SMC1B: variants seen among roughly 807,000 people sequenced by gnomAD.
SMC1B encodes structural maintenance of chromosomes 1B.
A neutral mutation model predicts 157.9 loss-of-function variants in SMC1B; 60 were observed. The ratio of observed to expected loss-of-function variants is 0.38; its 90% confidence interval spans 0.31 to 0.47. The LOEUF (loss-of-function observed/expected upper bound fraction) is 0.47. Ranked by LOEUF, SMC1B falls within the 20% of genes least tolerant of loss-of-function variation. SMC1B has a pLI of 0.99. For synonymous variants in SMC1B, 445 were observed against 483.0 expected, an observed-to-expected ratio of 0.92 and a Z score of 1.03; for missense variants, 1,165 against 1,426.2, an observed-to-expected ratio of 0.82 and a Z score of 2.95.
intron 15 of SMC1B, among the ~76,000 whole-genome samples, chr22:45,369,427 G>A (rs530129450): frequency 5.9e-5 from 9 of 151,566 alleles, no homozygotes; most frequent in Admixed American, 1.3e-4. Context: ...ACCAGTATAC[G>A]TGTAATTATG....
Position 45,371,595 on chromosome 22 carries a change from CAA to C in SMC1B, c.2197-10_2197-9del. 4 of 1,568,590 alleles carry C rather than the reference CAA, an allele frequency of 2.6e-6. No homozygotes were observed. The highest frequency in any genetic ancestry group is 2.4e-5 in the East Asian group (1 of 42,432). On this transcript the variant is annotated splice_polypyrimidine_tract_variant and intron_variant, in intron 13 of 24. Coordinates refer to ENST00000357450, the MANE Select transcript of SMC1B (RefSeq NM_148674.5). ...TTGTAACTGAGATTGTTCCTAATAA[CAA>C]AAGAGAAAAATTTTTTTAACATGGC...
In SMC1B at chr22:45,412,743, A is replaced by G. The variant is rs551532781; in HGVS notation, c.109+716T>C. Among the ~76,000 whole-genome samples, 13 of 152,212 alleles carry G rather than the reference A, an allele frequency of 8.5e-5. No individual in the cohort carries two copies. In the East Asian group the frequency reaches 2.3e-3, roughly 27 times the overall value. ...CCAGACCTCAGTTTCCCCAACTATA[A>G]AATGGGGAGAGCAGCCATGCGCCAT... On this transcript the variant is annotated intron_variant, in intron 1 of 24. Transcript: ENST00000357450.
intron 2 of SMC1B, 41 bp from the exon 3 acceptor site, chr22:45,406,906 A>G: frequency 1.5e-6 from 2 of 1,351,368 alleles, no homozygotes; most frequent in Non-Finnish European, 1.0e-6. Flanking sequence ...ATATATAAAT[A>G]CCAGATATAC....
At chr22:45,401,646 T>C (rs552699747) in intron 5 of SMC1B, among the ~76,000 whole-genome samples, 1 of 152,254 alleles carries the variant, frequency 6.6e-6, no homozygotes, top group Admixed American at 6.5e-5. Context: ...CAACCCTTCA[T>C]GCCCTAAATC....
intron 1 of SMC1B, among the ~76,000 whole-genome samples, chr22:45,412,412 G>C (rs1200092766): frequency 1.4e-5 from 2 of 146,752 alleles, no homozygotes; most frequent in African/African-American, 5.1e-5. Flanking sequence ...TGTTGGTCAG[G>C]CTGGTCTCGA....
intron 12 of SMC1B, among the ~76,000 whole-genome samples, chr22:45,375,731 CATT>C (rs1175665304): frequency 2.6e-5 from 4 of 152,194 alleles, no homozygotes; most frequent in African/African-American, 9.6e-5. Flanking sequence ...GCCTTTAATT[CATT>C]AATAGATTAT....
chr22:45,374,210 G>C (rs575961763), intron 12 of SMC1B, among the ~76,000 whole-genome samples: 2 of 149,810 alleles, frequency 1.3e-5, no homozygotes, highest in East Asian at 2.0e-4. Flanking sequence ...TAAGAAAAAG[G>C]GATGTTCAGG....
At chr22:45,401,693 T>C (rs2087196046) in intron 5 of SMC1B, among the ~76,000 whole-genome samples, 1 of 152,226 alleles carries the variant, frequency 6.6e-6, no homozygotes. Flanking sequence ...TAAAACCGCC[T>C]GTACTTCACT....
In SMC1B at chr22:45,344,391, A is replaced by G. The variant is rs1014882440; in HGVS notation, c.*165T>C. ...TTCCCTACTAGAATGAGGTCTGAACACTCAACTAAAGTGAGCCACAGCCTC... is the reference window on the plus strand; with the variant it reads ...TTCCCTACTAGAATGAGGTCTGAACGCTCAACTAAAGTGAGCCACAGCCTC... On this transcript the variant is annotated 3_prime_UTR_variant, in exon 25 of 25. Transcript: ENST00000357450. 11 of 496,750 alleles carry G rather than the reference A, an allele frequency of 2.2e-5. No homozygotes were observed. Among genetic ancestry groups the G allele is most frequent in the Non-Finnish European group, 3.6e-5 (10 of 275,818 alleles). 30.8% of individuals were successfully genotyped at this position (496,750 alleles called of 1,614,324 possible). A position where few individuals can be genotyped will look rare whatever the true frequency, so the allele number is the denominator to read the frequency against.
intron 5 of SMC1B, among the ~76,000 whole-genome samples, chr22:45,401,241 T>C (rs975230061): frequency 1.3e-5 from 2 of 152,232 alleles, no homozygotes; most frequent in East Asian, 1.9e-4. Flanking sequence ...TTTAGGCAGA[T>C]AGTGAAGGTT....
rs1569198334 is a variant in SMC1B, at chr22:45,402,377, A to G, written c.810T>C (p.His270=). 3 of 1,613,602 alleles carry G rather than the reference A, an allele frequency of 1.9e-6. No homozygotes were observed. Among genetic ancestry groups the G allele is most frequent in the Non-Finnish European group, 2.5e-6 (3 of 1,179,902 alleles). Residue 270 remains histidine, a synonymous_variant, in exon 5 of 25, where the codon CAT becomes CAC. Coordinates refer to ENST00000357450, the MANE Select transcript of SMC1B (RefSeq NM_148674.5). ...ENIVKARKKE[H]GMLTRQLQQT... is the part of the protein sequence containing the mutation. ...GTTGTAGTTGTCTAGTTAGCATTCC[A>G]TGTTCCTTTTTCCTGGCTTTAACTA...
intron 24 of SMC1B, among the ~76,000 whole-genome samples, 166 bp from the exon 25 acceptor site, chr22:45,344,823 T>C (rs1006221543): frequency 8.5e-5 from 13 of 152,352 alleles, no homozygotes; most frequent in African/African-American, 2.6e-4. Context: ...TTATCTGGTA[T>C]GAGAATTTCC....
chr22:45,351,406 T>C (rs1301828865), intron 22 of SMC1B, among the ~76,000 whole-genome samples: 1 of 152,246 alleles, frequency 6.6e-6, no homozygotes, highest in South Asian at 2.1e-4. Flanking sequence ...GGCCTCCAGC[T>C]TTTATGGTTT....
intron 12 of SMC1B, among the ~76,000 whole-genome samples, chr22:45,383,162 A>T (rs569880357): frequency 2.0e-5 from 3 of 152,016 alleles, no homozygotes; most frequent in Admixed American, 6.6e-5. Context: ...CAAACAAAAA[A>T]CTTGCTGCAA....
At chr22:45,389,403 TTGCTA>T (rs1414852204) in intron 10 of SMC1B, among the ~76,000 whole-genome samples, 3 of 152,218 alleles carry the variant, frequency 2.0e-5, no homozygotes, top group Non-Finnish European at 4.4e-5. Flanking sequence ...TTCCTATACT[TTGCTA>T]TATAGGACAG....
Position 45,384,678 on chromosome 22 carries a change from C to G in SMC1B, c.1912-1065G>C, listed in dbSNP as rs559863546. The stretch of plus-strand genomic sequence containing the variant: ...GAGGTTGCAGTAAGCAGAGATCACA[C>G]CACTGCACTCCAGCCTGGGTGACAG... On this transcript the variant is annotated intron_variant, in intron 11 of 24. Coordinates refer to ENST00000357450, the MANE Select transcript of SMC1B (RefSeq NM_148674.5). 1.5e-4 allele frequency among the ~76,000 whole-genome samples: 23 copies of G among 151,690 alleles called. No individual in the cohort carries two copies. The South Asian group carries it at 4.8e-3, about 32-fold the overall frequency.
intron 23 of SMC1B, among the ~76,000 whole-genome samples, chr22:45,346,769 G>C (rs369542400): frequency 2.6e-5 from 4 of 152,178 alleles, no homozygotes; most frequent in Admixed American, 2.0e-4. Context: ...CAGGGCATGC[G>C]TTTTTCCTGG....
At chr22:45,398,071 G>A (rs2087146499) in intron 6 of SMC1B, among the ~76,000 whole-genome samples, 1 of 152,186 alleles carries the variant, frequency 6.6e-6, no homozygotes, top group Non-Finnish European at 1.5e-5. Context: ...GAGGGCCAGA[G>A]TGGGTCAAGA....
At position 45,344,468 on chromosome 22, in the gene SMC1B, G is replaced by A; in HGVS notation, c.*88C>T. On this transcript the variant is annotated 3_prime_UTR_variant, in exon 25 of 25. Coordinates refer to ENST00000357450, the MANE Select transcript of SMC1B (RefSeq NM_148674.5). ...TTAAAGGGTGCACCAGGCTGGTCCT[G>A]CTTGCTCCAGAAGTCTCCTGTGGAG... 1 of 936,790 alleles carries A rather than the reference G, an allele frequency of 1.1e-6. No homozygotes were observed. The highest frequency in any genetic ancestry group is 1.7e-6 in the Non-Finnish European group (1 of 585,052). 58.0% of individuals were successfully genotyped at this position (936,790 alleles called of 1,614,324 possible). A position where few individuals can be genotyped will look rare whatever the true frequency, so the allele number is the denominator to read the frequency against.
Sources: gnomAD v4.1 joint callset for allele counts (sites outside exome capture counted in the v4.1 genomes callset) on GRCh38, gnomAD v4.1.1 for gene constraint, MANE v1.5 for transcripts, NCBI Gene and HGNC (gene_info 2026-07-23, HGNC 2026-07-21) for gene names.